The following GMDS variants were observed in gnomAD, a reference collection of about 807,000 sequenced individuals.
GMDS encodes GDP-mannose 4,6 dehydratase.
A neutral mutation model predicts 49.9 loss-of-function variants in GMDS; 20 were observed. The ratio of observed to expected loss-of-function variants is 0.40; its 90% CI spans 0.28 to 0.58. GMDS has a LOEUF of 0.58. Ranked by LOEUF, GMDS falls within the 20% of genes least tolerant of loss-of-function variation. The pLI, the probability that GMDS is intolerant of heterozygous loss-of-function variation, is 0.42. For synonymous variants in GMDS, 177 were observed against 178.6 expected, an observed-to-expected ratio of 0.99 and a Z score of 0.07; for missense variants, 362 against 481.4, an observed-to-expected ratio of 0.75 and a Z score of 2.32.
intron 4 of GMDS, among the ~76,000 whole-genome samples, chr6:1,969,628 G>A (rs1764486980): frequency 6.6e-6 from 1 of 152,120 alleles, no homozygotes; most frequent in Non-Finnish European, 1.5e-5. Flanking sequence ...CAAGTGATTT[G>A]TCCTTTCCAG....
In GMDS at chr6:1,935,344, T is replaced by C. The variant is rs1762476383; in HGVS notation, c.644-5114A>G. Among the ~76,000 whole-genome samples, 3 of 152,212 alleles carry C rather than the reference T, an allele frequency of 2.0e-5. No homozygotes were observed. The South Asian group carries it at 6.2e-4, about 32-fold the overall frequency. ...ATGTAAGAACATCACTATGTCCTTG[T>C]TTGTAAAATAAGGATAGTAATAGTA... On this transcript the variant is annotated intron_variant, in intron 6 of 10. Transcript: ENST00000380815.
At chr6:2,238,413 G>A (rs1390151605) in intron 1 of GMDS, among the ~76,000 whole-genome samples, 2 of 152,034 alleles carry the variant, frequency 1.3e-5, no homozygotes, top group Non-Finnish European at 1.5e-5. Context: ...TTCCTTCCCA[G>A]TGGTTGCATT....
At position 2,165,147 on chromosome 6, in the gene GMDS, C is replaced by T. The variant is rs551826499; in HGVS notation, c.103-40416G>A. On this transcript the variant is annotated intron_variant, in intron 1 of 10. Coordinates refer to ENST00000380815, the MANE Select transcript of GMDS (RefSeq NM_001500.4). Reference sequence around the variant, plus strand: ...CAGAATCACATTCAGAAAACCCATCCTGGAAACTCTGCTCCTCTAGAACCA... The same window carrying T: ...CAGAATCACATTCAGAAAACCCATCTTGGAAACTCTGCTCCTCTAGAACCA... Among the ~76,000 whole-genome samples, 8 of 152,300 alleles carry T rather than the reference C, an allele frequency of 5.3e-5. No homozygotes were observed. In the East Asian group the frequency reaches 1.3e-3, roughly 26 times the overall value.
intron 4 of GMDS, among the ~76,000 whole-genome samples, chr6:2,102,250 T>C (rs1773968995): frequency 6.6e-6 from 1 of 152,152 alleles, no homozygotes; most frequent in African/African-American, 2.4e-5. Context: ...TGTATCATTT[T>C]TAAAAGCCCA....
intron 1 of GMDS, among the ~76,000 whole-genome samples, chr6:2,165,720 T>C (rs542799875): frequency 1.3e-5 from 2 of 152,334 alleles, no homozygotes; most frequent in African/African-American, 2.4e-5. Flanking sequence ...TCAGCTCATA[T>C]AGCATATATT....
At chr6:2,184,458 C>T (rs1233592878) in intron 1 of GMDS, among the ~76,000 whole-genome samples, 1 of 152,142 alleles carries the variant, frequency 6.6e-6, no homozygotes, top group Non-Finnish European at 1.5e-5. Context: ...ATCCCTTGAA[C>T]ACACTAACTA....
At chr6:2,000,033 A>ATC (rs1766691801) in intron 4 of GMDS, among the ~76,000 whole-genome samples, 1 of 20,456 alleles carries the variant, frequency 4.9e-5, no homozygotes, top group Non-Finnish European at 1.0e-4. Flanking sequence ...ATATATCTAT[A>ATC]TCTTTTTTTT....
At chr6:2,135,690 A>G (rs983648400) in intron 1 of GMDS, among the ~76,000 whole-genome samples, 1 of 152,198 alleles carries the variant, frequency 6.6e-6, no homozygotes, top group East Asian at 1.9e-4. Context: ...TTAGGCCAGC[A>G]CTGGCCAACA....
intron 7 of GMDS, among the ~76,000 whole-genome samples, chr6:1,874,046 G>A (rs1025402702): frequency 1.3e-5 from 2 of 152,228 alleles, no homozygotes; most frequent in African/African-American, 4.8e-5. Flanking sequence ...GGTGACCACT[G>A]CCTCGAACAG....
intron 9 of GMDS, among the ~76,000 whole-genome samples, chr6:1,641,603 G>C (rs556314544): frequency 6.6e-6 from 1 of 152,194 alleles, no homozygotes; most frequent in Admixed American, 6.5e-5. Flanking sequence ...AGAAGGTCCC[G>C]TGGAGAGGCC....
intron 4 of GMDS, among the ~76,000 whole-genome samples, chr6:2,065,955 A>C (rs2127453275): frequency 6.6e-6 from 1 of 152,326 alleles, no homozygotes; most frequent in Middle Eastern, 3.4e-3. Context: ...GAGCAACTCC[A>C]AGACACATAA....
At chr6:1,882,875 G>T (rs1759426667) in intron 7 of GMDS, among the ~76,000 whole-genome samples, 1 of 152,130 alleles carries the variant, frequency 6.6e-6, no homozygotes, top group Admixed American at 6.5e-5. Flanking sequence ...CTTAGCTCCA[G>T]GTTTTTCCTT....
At chr6:1,837,226 T>A (rs1322778250) in intron 7 of GMDS, among the ~76,000 whole-genome samples, 2 of 152,220 alleles carry the variant, frequency 1.3e-5, no homozygotes, top group Non-Finnish European at 2.9e-5. Flanking sequence ...CTTAAATGTT[T>A]ATTATAATTG....
chr6:2,138,131 T>C (rs966403637), intron 1 of GMDS, among the ~76,000 whole-genome samples: 3 of 152,254 alleles, frequency 2.0e-5, no homozygotes, highest in African/African-American at 4.8e-5. Flanking sequence ...CTGCCACAAA[T>C]CTGTTATTTT....
At chr6:2,165,619 C>A (rs1466880695) in intron 1 of GMDS, among the ~76,000 whole-genome samples, 2 of 152,236 alleles carry the variant, frequency 1.3e-5, no homozygotes, top group African/African-American at 4.8e-5. Context: ...TCAGTTGGCA[C>A]ACAAAATAAC....
chr6:1,832,927 A>C (rs1054725135), intron 7 of GMDS, among the ~76,000 whole-genome samples: 8 of 152,126 alleles, frequency 5.3e-5, no homozygotes, highest in Non-Finnish European at 2.9e-5. Flanking sequence ...GCCACTTTCC[A>C]GATCACATAT....
intron 7 of GMDS, among the ~76,000 whole-genome samples, chr6:1,916,204 G>C (rs1761383975): frequency 6.6e-6 from 1 of 151,922 alleles, no homozygotes; most frequent in Non-Finnish European, 1.5e-5. Context: ...GTAGGGAAAG[G>C]AAGACCAGCA....
At chr6:1,961,053 A>T in intron 4 of GMDS, 87 bp from the exon 5 acceptor site, 2 of 655,730 alleles carry the variant, frequency 3.1e-6, no homozygotes, top group Non-Finnish European at 4.9e-6. Flanking sequence ...ACAATTTCAC[A>T]CACTGTGAAA....
intron 9 of GMDS, among the ~76,000 whole-genome samples, chr6:1,678,054 C>T (rs915431448): frequency 6.6e-6 from 1 of 151,682 alleles, no homozygotes; most frequent in African/African-American, 2.4e-5. Context: ...TTGTAATTTC[C>T]TGTTTTCATT....
Sources: allele counts gnomAD v4.1 joint callset (sites outside exome capture counted in the v4.1 genomes callset), GRCh38; gene constraint gnomAD v4.1.1; transcripts MANE v1.5; gene names NCBI Gene and HGNC (gene_info 2026-07-23, HGNC 2026-07-21).